The following FARP2 variants were observed in gnomAD, a reference collection of about 807,000 sequenced individuals.
The protein encoded by FARP2 is FERM, ARHGEF and pleckstrin domain-containing protein 2.
Under a neutral mutation model 130.5 loss-of-function variants are expected in FARP2, and 111 were observed. The ratio of observed to expected loss-of-function variants is 0.85; its 90% CI spans 0.73 to 1.00. FARP2 has a LOEUF of 1.00. Among genes scored for constraint, FARP2 ranks in the 50% least tolerant of loss-of-function variants. The pLI is 0.00. For synonymous variants in FARP2, 504 were observed against 516.9 expected, an observed-to-expected ratio of 0.98 and a Z score of 0.34; for missense variants, 1,385 against 1,346.3, an observed-to-expected ratio of 1.03 and a Z score of -0.45.
intron 18 of FARP2, among the ~76,000 whole-genome samples, chr2:241,472,205 A>G (rs368331007): frequency 0.062 from 3,478 of 55,876 alleles, no homozygotes; most frequent in Admixed American, 0.18. Flanking sequence ...GTTCCATGGG[A>G]ACCCTGTTCT....
At chr2:241,393,208 CAG>C (rs1036625522) in intron 2 of FARP2, among the ~76,000 whole-genome samples, 14 of 151,902 alleles carry the variant, frequency 9.2e-5, no homozygotes, top group Non-Finnish European at 1.9e-4. Context: ...TTAGTAGAGA[CAG>C]GGTTTCACCT....
rs753462108 is a variant in FARP2, at chr2:241,489,980, G to C, written c.2440G>C (p.Glu814Gln). 2 of 1,613,424 alleles carry C rather than the reference G, an allele frequency of 1.2e-6. No individual in the cohort carries two copies. Among genetic ancestry groups the C allele is most frequent in the Non-Finnish European group, 1.7e-6 (2 of 1,179,458 alleles). The change falls in exon 22 of 27, where the codon GAG (glutamate) becomes CAG (glutamine). Residue 814 changes from glutamate (E) to glutamine (Q), a missense_variant. Transcript: ENST00000264042. ...CCCACAGGTGGAAGAAAGTGATAAC[G>C]AGTGGTCTGTTCCACACTGTTTCAC... is the stretch of plus-strand genomic sequence containing the variant. ...QGMLVEESDN[E>Q]WSVPHCFTIY... is the part of the protein sequence containing the mutation.
At position 241,441,349 on chromosome 2, in the gene FARP2, T is replaced by G. The variant is rs1253083616; in HGVS notation, c.1204T>G (p.Ser402Ala). 3.7e-6 allele frequency: 6 copies of G among 1,612,556 alleles called. No individual in the cohort carries two copies. Among genetic ancestry groups the G allele is most frequent in the Non-Finnish European group, 5.1e-6 (6 of 1,178,750 alleles). Residue 402 changes from serine (S) to alanine (A), a missense_variant, in exon 13 of 27, where the codon TCA (serine) becomes GCA (alanine). Transcript: ENST00000264042. ...ATTGAGGACTCCTGCCTCCCCATCT[T>G]CAGCGAATGCCTTTTACTCGCTCTC... Reference protein sequence around the residue: ...EGLRTPASPSSANAFYSLSPS... With the variant: ...EGLRTPASPSAANAFYSLSPS...
At chr2:241,473,889 T>C (rs2064381328) in intron 18 of FARP2, among the ~76,000 whole-genome samples, 1 of 152,204 alleles carries the variant, frequency 6.6e-6, no homozygotes, top group African/African-American at 2.4e-5. Flanking sequence ...GCAGGTATCA[T>C]TGACAGAAAG....
At chr2:241,385,161 C>G (rs1290284523) in intron 2 of FARP2, among the ~76,000 whole-genome samples, 2 of 152,022 alleles carry the variant, frequency 1.3e-5, no homozygotes, top group Admixed American at 1.3e-4. Context: ...TTAGAGGAAT[C>G]AAATTTGGAG....
At chr2:241,382,924 A>G (rs973263431) in intron 2 of FARP2, among the ~76,000 whole-genome samples, 1 of 152,174 alleles carries the variant, frequency 6.6e-6, no homozygotes, top group African/African-American at 2.4e-5. Flanking sequence ...TTGAAGTTTA[A>G]AAATAACTTA....
intron 16 of FARP2, 78 bp from the exon 17 acceptor site, chr2:241,463,821 C>T: frequency 8.0e-7 from 1 of 1,257,196 alleles, no homozygotes; most frequent in Non-Finnish European, 1.1e-6. Context: ...ACCAAGGCAG[C>T]TGTCACCCTG....
chr2:241,411,801 T>A (rs1007623894), intron 6 of FARP2, among the ~76,000 whole-genome samples: 1 of 152,212 alleles, frequency 6.6e-6, no homozygotes, highest in Non-Finnish European at 1.5e-5. Flanking sequence ...ATTTTAGGAA[T>A]TAATAAGTAT....
chr2:241,487,802 C>T (rs1477959529), intron 21 of FARP2, among the ~76,000 whole-genome samples: 1 of 110,560 alleles, frequency 9.0e-6, no homozygotes, highest in East Asian at 3.2e-4. Flanking sequence ...GGCTGGAGTG[C>T]AGTGGTGCCA....
chr2:241,403,232 T>G (rs1355761742), intron 2 of FARP2, among the ~76,000 whole-genome samples: 1 of 152,144 alleles, frequency 6.6e-6, no homozygotes, highest in Non-Finnish European at 1.5e-5. Context: ...ACTTTTTTTT[T>G]GAGACAAAGT....
intron 5 of FARP2, among the ~76,000 whole-genome samples, chr2:241,408,558 A>G (rs1325617625): frequency 6.6e-6 from 1 of 151,196 alleles, no homozygotes; most frequent in East Asian, 1.9e-4. Flanking sequence ...AAAAAAAAAG[A>G]AAATATTAAC....
At chr2:241,425,670 A>G (rs1345056461) in intron 8 of FARP2, among the ~76,000 whole-genome samples, 1 of 143,486 alleles carries the variant, frequency 7.0e-6, no homozygotes, top group Non-Finnish European at 1.5e-5. Flanking sequence ...AAAGTAGCCC[A>G]GGACCAGATG....
Position 241,491,615 on chromosome 2 carries a change from C to CA in FARP2, c.2725dup (p.Met909AsnfsTer59), listed in dbSNP as rs1359294414. The CA allele has an allele frequency of 8.7e-6, 14 of 1,613,638 alleles. No homozygotes were observed. Among genetic ancestry groups the CA allele is most frequent in the Non-Finnish European group, 1.2e-5 (14 of 1,179,976 alleles). On this transcript the variant is annotated frameshift_variant, in exon 24 of 27. Transcript: ENST00000264042. LOFTEE classifies it high-confidence loss of function. ...CATGGCCAGCACCGGGCCAACACCA[C>CA]AATGCACGTGTGCTGGTACCGGAAC...
intron 1 of FARP2, among the ~76,000 whole-genome samples, chr2:241,362,050 A>G (rs1005529601): frequency 6.6e-6 from 1 of 151,620 alleles, no homozygotes; most frequent in African/African-American, 2.4e-5. Context: ...ACACGCCACC[A>G]CGCCCAGCCA....
At chr2:241,465,343 C>T (rs954783239) in intron 17 of FARP2, 2 of 768,702 alleles carry the variant, frequency 2.6e-6, no homozygotes, top group Non-Finnish European at 4.5e-6. Flanking sequence ...AGGACAGAGT[C>T]CCCCCTCCCC....
chr2:241,394,734 A>G (rs1256824458), intron 2 of FARP2, among the ~76,000 whole-genome samples: 3 of 152,232 alleles, frequency 2.0e-5, no homozygotes, highest in Non-Finnish European at 4.4e-5. Flanking sequence ...TATGTTTTAC[A>G]TGTTGGCAGG....
At position 241,400,090 on chromosome 2, in the gene FARP2, C is replaced by CT; in HGVS notation, c.184-3737dup. On this transcript the variant is annotated intron_variant, in intron 2 of 26. Transcript: ENST00000264042. ...GTGCTTGCACCTGCGTGGTTAGTGTCTATCGCCTTCATTAGTGTAGTCAGG... is the reference window on the plus strand; with the variant it reads ...GTGCTTGCACCTGCGTGGTTAGTGTCTTATCGCCTTCATTAGTGTAGTCAGG... 2.0e-5 allele frequency among the ~76,000 whole-genome samples: 3 copies of CT among 152,322 alleles called. No individual in the cohort carries two copies. The South Asian group carries it at 6.2e-4, about 32-fold the overall frequency.
chr2:241,366,713 T>C (rs2150289985), intron 1 of FARP2, among the ~76,000 whole-genome samples: 1 of 152,192 alleles, frequency 6.6e-6, no homozygotes, highest in Non-Finnish European at 1.5e-5. Flanking sequence ...AAGAACACAT[T>C]TTCTTTCCAT....
At chr2:241,453,621 C>CAA (rs555902009) in intron 13 of FARP2, among the ~76,000 whole-genome samples, 4 of 129,198 alleles carry the variant, frequency 3.1e-5, no homozygotes, top group African/African-American at 5.8e-5. Context: ...GACTCTGTCT[C>CAA]AAAAAAAAAA....
Sources: gnomAD v4.1 joint callset for allele counts (sites outside exome capture counted in the v4.1 genomes callset) on GRCh38, gnomAD v4.1.1 for gene constraint, MANE v1.5 for transcripts, NCBI Gene and HGNC (gene_info 2026-07-23, HGNC 2026-07-21) for gene names.